Variants in ABCA13 observed in about 807,000 individuals in gnomAD.
ABCA13 encodes ATP binding cassette subfamily A member 13, also known as ATP-binding cassette sub-family A member 13.
A neutral mutation model predicts 478.7 loss-of-function variants in ABCA13; 476 were observed. The ratio of observed to expected loss-of-function variants is 0.99; its 90% CI spans 0.92 to 1.07. The LOEUF (loss-of-function observed/expected upper bound fraction) is 1.07. ABCA13 is among the 50% of genes least tolerant of loss of function. The pLI is 0.00. For missense variants in ABCA13, 6,060 were observed against 5,910.6 expected (o/e 1.03, Z -0.83); for synonymous variants, 2,252 against 2,158.9 (o/e 1.04, Z -1.20).
intron 42 of ABCA13, among the ~76,000 whole-genome samples, chr7:48,429,474 C>T (rs1274048132): frequency 2.2e-4 from 34 of 152,092 alleles, no homozygotes; most frequent in Non-Finnish European, 5.9e-5. Context: ...GTGGATGTGA[C>T]ACACACCTTA....
intron 38 of ABCA13, among the ~76,000 whole-genome samples, chr7:48,399,914 C>A (rs540346128): frequency 6.6e-6 from 1 of 152,314 alleles, no homozygotes; most frequent in East Asian, 1.9e-4. Context: ...GGTATGTGTT[C>A]TGGCTCAAGC....
At chr7:48,556,100 T>C (rs1785798335) in intron 55 of ABCA13, among the ~76,000 whole-genome samples, 1 of 151,926 alleles carries the variant, frequency 6.6e-6, no homozygotes, top group Non-Finnish European at 1.5e-5. Flanking sequence ...TTTCCATGTG[T>C]CTCTGTAATT....
intron 42 of ABCA13, among the ~76,000 whole-genome samples, chr7:48,445,841 T>G (rs1019587489): frequency 6.6e-6 from 1 of 152,058 alleles, no homozygotes; most frequent in Admixed American, 6.6e-5. Flanking sequence ...GGAATATAGG[T>G]TTCTTGCCTG....
chr7:48,595,948 C>T (rs1790243444), intron 58 of ABCA13, among the ~76,000 whole-genome samples: 1 of 152,202 alleles, frequency 6.6e-6, no homozygotes, highest in Non-Finnish European at 1.5e-5. Flanking sequence ...TTGAGTACCC[C>T]AGCTCTTGTT....
In ABCA13 at chr7:48,531,090, G is replaced by A. The variant is rs114035362; in HGVS notation, c.14354+2745G>A. On this transcript the variant is annotated intron_variant, in intron 55 of 61. Coordinates refer to ENST00000435803, the MANE Select transcript of ABCA13 (RefSeq NM_152701.5). ...AGCCAATGTTTAGAGGGGTTTTTCC[G>A]ATGTTATCTTCTAGAATCATTATGG... Among the ~76,000 whole-genome samples, 1,120 of 152,004 alleles carry A rather than the reference G, an allele frequency of 7.4e-3. 10 individuals carry two copies. The highest frequency in any genetic ancestry group is 0.025 in the African/African-American group (1,058 of 41,508).
chr7:48,556,934 T>C (rs960443867), intron 55 of ABCA13, among the ~76,000 whole-genome samples: 2 of 152,078 alleles, frequency 1.3e-5, no homozygotes, highest in Non-Finnish European at 2.9e-5. Flanking sequence ...AATTTTCTGC[T>C]TTTTATTTTG....
chr7:48,519,167 T>C (rs892613486), intron 52 of ABCA13, among the ~76,000 whole-genome samples: 2 of 152,192 alleles, frequency 1.3e-5, no homozygotes, highest in African/African-American at 4.8e-5. Flanking sequence ...ATGGCTGCAT[T>C]GTATTCTATG....
rs199647759 is a variant in ABCA13, at chr7:48,516,717, C to A, written c.13641-8C>A. 1.2e-6 allele frequency: 2 copies of A among 1,612,760 alleles called. No homozygotes were observed. Among genetic ancestry groups the A allele is most frequent in the Non-Finnish European group, 1.7e-6 (2 of 1,179,182 alleles). On this transcript the variant is annotated splice_region_variant and splice_polypyrimidine_tract_variant and intron_variant, in intron 51 of 61. Transcript: ENST00000435803. Reference sequence around the variant, plus strand: ...AAAACAAACATTACTTTTCACTTTACTTTTCAGATATGCAACTCTTCCATG... The same window carrying A: ...AAAACAAACATTACTTTTCACTTTAATTTTCAGATATGCAACTCTTCCATG...
chr7:48,622,220 G>T (rs990990162), intron 59 of ABCA13, among the ~76,000 whole-genome samples: 1 of 152,102 alleles, frequency 6.6e-6, no homozygotes, highest in African/African-American at 2.4e-5. Context: ...TGTCCTTCCT[G>T]TGGCATTACC....
At chr7:48,425,955 A>G (rs1427263759) in intron 41 of ABCA13, among the ~76,000 whole-genome samples, 1 of 151,858 alleles carries the variant, frequency 6.6e-6, no homozygotes, top group African/African-American at 2.4e-5. Flanking sequence ...GTTAGCCAGG[A>G]TGGTCTCGAT....
At chr7:48,466,867 C>A in intron 43 of ABCA13, 89 bp from the exon 44 acceptor site, 2 of 1,242,374 alleles carry the variant, frequency 1.6e-6, no homozygotes, top group Non-Finnish European at 2.4e-6. Context: ...GACTAGGGCA[C>A]AATGTGAGGT....
chr7:48,579,624 AAC>A (rs34582749), intron 55 of ABCA13, among the ~76,000 whole-genome samples: 24,741 of 152,098 alleles, frequency 0.16, 2,203 homozygotes, highest in East Asian at 0.29. Flanking sequence ...TTAATAAAAA[AAC>A]AGTTTGATTA....
At chr7:48,593,748 G>T (rs1463757364) in intron 57 of ABCA13, among the ~76,000 whole-genome samples, 1 of 151,032 alleles carries the variant, frequency 6.6e-6, no homozygotes. Context: ...TATAAGACAG[G>T]TATTGTGTCA....
chr7:48,414,249 A>G (rs369273096), intron 41 of ABCA13, among the ~76,000 whole-genome samples: 2 of 152,148 alleles, frequency 1.3e-5, no homozygotes, highest in African/African-American at 2.4e-5. Context: ...CTCAGCATCA[A>G]TTCTGTTCCG....
At chr7:48,542,490 A>G (rs1834005908) in intron 55 of ABCA13, among the ~76,000 whole-genome samples, 2 of 151,852 alleles carry the variant, frequency 1.3e-5, no homozygotes, top group African/African-American at 4.8e-5. Flanking sequence ...ACACTTAAAT[A>G]CCCAAGAAGA....
At chr7:48,368,461 C>T (rs1210528456) in intron 32 of ABCA13, among the ~76,000 whole-genome samples, 2 of 151,806 alleles carry the variant, frequency 1.3e-5, no homozygotes, top group Non-Finnish European at 2.9e-5. Flanking sequence ...ATCACCATCC[C>T]CAACCCTTTA....
At chr7:48,563,280 A>C (rs1379731300) in intron 55 of ABCA13, among the ~76,000 whole-genome samples, 1 of 152,116 alleles carries the variant, frequency 6.6e-6, no homozygotes, top group Non-Finnish European at 1.5e-5. Flanking sequence ...CATTCTTTCC[A>C]ATTTCTAAAT....
At chr7:48,574,603 G>A (rs774312285) in intron 55 of ABCA13, among the ~76,000 whole-genome samples, 36 of 152,002 alleles carry the variant, frequency 2.4e-4, no homozygotes, top group Non-Finnish European at 3.7e-4. Context: ...CTTCCCCCTG[G>A]GATATTGGCC....
At position 48,239,357 on chromosome 7, in the gene ABCA13, C is replaced by T. The variant is rs1562852836; in HGVS notation, c.1014C>T (p.Ala338=). The T allele has an allele frequency of 1.9e-6, 3 of 1,613,554 alleles. No homozygotes were observed. The highest frequency in any genetic ancestry group is 2.7e-5 in the African/African-American group (2 of 74,880). The change falls in exon 9 of 62, where the codon GCC becomes GCT. Residue 338 remains alanine, a synonymous_variant. Coordinates refer to ENST00000435803, the MANE Select transcript of ABCA13 (RefSeq NM_152701.5). The part of the protein sequence containing the change: ...VGGCHPKWSE[A]KNYLVHAVSW... ...GCTGCCACCCTAAGTGGTCAGAAGC[C>T]AAAAACTATCTTGTCCATGCAGTCA...
Sources: allele counts gnomAD v4.1 joint callset (sites outside exome capture counted in the v4.1 genomes callset), GRCh38; gene constraint gnomAD v4.1.1; transcripts MANE v1.5; gene names NCBI Gene and HGNC (gene_info 2026-07-23, HGNC 2026-07-21).